HOOK3: variants seen among roughly 807,000 people sequenced by gnomAD.
HOOK3 encodes protein Hook homolog 3.
Under a neutral mutation model 116.3 loss-of-function variants are expected in HOOK3, and 24 were observed. The observed-to-expected ratio is 0.21, with a 90% CI of 0.15 to 0.29. The LOEUF (loss-of-function observed/expected upper bound fraction) is 0.29, where lower values mean the gene tolerates loss of function less well. Among genes scored for constraint, HOOK3 ranks in the 10% least tolerant of loss-of-function variants. The probability of loss-of-function intolerance (pLI) is 1.00; values close to 1 mark genes in which losing one functional copy is unlikely to be tolerated. For synonymous variants in HOOK3, 275 were observed against 283.0 expected (o/e 0.97, Z 0.28); for missense variants, 632 against 830.2 (o/e 0.76, Z 2.93).
In HOOK3 at chr8:42,997,540, T is replaced by A; in HGVS notation, c.1533-10T>A. ...ACCACTTGGAAAATTAATGTACATTTCATTTCTAGGCTGGTGAATCAAAGA... is the reference window on the plus strand; with the variant it reads ...ACCACTTGGAAAATTAATGTACATTACATTTCTAGGCTGGTGAATCAAAGA... On this transcript the variant is annotated splice_polypyrimidine_tract_variant and intron_variant, in intron 15 of 21. Coordinates refer to ENST00000307602, the MANE Select transcript of HOOK3 (RefSeq NM_032410.4). 1.3e-6 allele frequency: 2 copies of A among 1,570,888 alleles called. No individual in the cohort carries two copies. Among genetic ancestry groups the A allele is most frequent in the Non-Finnish European group, 1.7e-6 (2 of 1,148,108 alleles).
At chr8:42,935,135 A>C (rs1358757337) in intron 4 of HOOK3, among the ~76,000 whole-genome samples, 1 of 152,198 alleles carries the variant, frequency 6.6e-6, no homozygotes, top group East Asian at 1.9e-4. Flanking sequence ...CATTTCTCTA[A>C]TGACCAATGA....
intron 18 of HOOK3, among the ~76,000 whole-genome samples, chr8:43,008,405 C>A (rs1331434405): frequency 2.0e-5 from 3 of 151,968 alleles, no homozygotes; most frequent in Admixed American, 6.6e-5. Flanking sequence ...CAGTCTTGAC[C>A]TCCCATGCTC....
intron 15 of HOOK3, among the ~76,000 whole-genome samples, chr8:42,990,466 A>G (rs1283662126): frequency 1.3e-5 from 2 of 148,188 alleles, no homozygotes; most frequent in African/African-American, 5.0e-5. Context: ...TCATCTTCCA[A>G]GTAGCTGAGA....
chr8:42,932,080 C>T (rs1363395783), intron 4 of HOOK3, among the ~76,000 whole-genome samples: 1 of 152,090 alleles, frequency 6.6e-6, no homozygotes, highest in Non-Finnish European at 1.5e-5. Context: ...AGGTTGGAGC[C>T]AGACCTCATG....
chr8:42,929,280 A>AGCAAGTTT (rs777002373), intron 3 of HOOK3, among the ~76,000 whole-genome samples: 50 of 152,190 alleles, frequency 3.3e-4, no homozygotes, highest in Admixed American at 3.3e-4. Context: ...AAGATAAATA[A>AGCAAGTTT]GCAAGTTTTC....
intron 13 of HOOK3, among the ~76,000 whole-genome samples, chr8:42,974,438 C>T (rs1262931875): frequency 1.3e-5 from 2 of 152,038 alleles, no homozygotes; most frequent in African/African-American, 2.4e-5. Flanking sequence ...GGGGTTTCAC[C>T]ATGTTGGCCA....
intron 9 of HOOK3, 137 bp downstream of exon 9, chr8:42,964,611 G>C (rs1808596876): frequency 1.5e-6 from 1 of 676,034 alleles, no homozygotes; most frequent in Admixed American, 2.9e-5. Context: ...CTGATCACTT[G>C]AGGTCGGGGA....
intron 21 of HOOK3, 144 bp from the exon 22 acceptor site, chr8:43,018,214 G>C (rs1238229150): frequency 1.4e-6 from 1 of 709,890 alleles, no homozygotes; most frequent in Non-Finnish European, 2.1e-6. Context: ...GCCTCTATGA[G>C]ATTTTAATCT....
At chr8:42,903,743 G>T (rs1807243940) in intron 1 of HOOK3, among the ~76,000 whole-genome samples, 1 of 108 alleles carries the variant, frequency 9.3e-3, no homozygotes, top group South Asian at 0.17. Flanking sequence ...GGATGACGAG[G>T]TCAGAGATGA....
chr8:42,980,585 G>C (rs749659701), intron 13 of HOOK3, among the ~76,000 whole-genome samples: 16 of 151,974 alleles, frequency 1.1e-4, no homozygotes, highest in Admixed American at 1.3e-4. Context: ...GAGTGGGACT[G>C]GTGGCTTTAT....
At chr8:42,915,715 A>G (rs1453086944) in intron 2 of HOOK3, among the ~76,000 whole-genome samples, 3 of 152,130 alleles carry the variant, frequency 2.0e-5, no homozygotes, top group Non-Finnish European at 2.9e-5. Context: ...TACAGGCATG[A>G]GCCACCATGC....
intron 19 of HOOK3, among the ~76,000 whole-genome samples, chr8:43,012,710 C>T (rs1809636221): frequency 6.6e-6 from 1 of 152,092 alleles, no homozygotes; most frequent in African/African-American, 2.4e-5. Flanking sequence ...AGTGATCGTC[C>T]TGCCTCAGCC....
chr8:42,989,510 A>C (rs983864183), intron 15 of HOOK3, among the ~76,000 whole-genome samples: 1 of 152,176 alleles, frequency 6.6e-6, no homozygotes, highest in African/African-American at 2.4e-5. Flanking sequence ...TATGAGTTAC[A>C]TGAGATAGTT....
At chr8:42,915,896 A>G (rs779851854) in intron 2 of HOOK3, among the ~76,000 whole-genome samples, 4 of 152,224 alleles carry the variant, frequency 2.6e-5, no homozygotes, top group Admixed American at 6.5e-5. Context: ...AGAACCCTGC[A>G]TTAGTGTCCC....
chr8:42,902,332 A>G (rs1231332337), intron 1 of HOOK3, among the ~76,000 whole-genome samples: 1 of 150,388 alleles, frequency 6.6e-6, no homozygotes, highest in Admixed American at 6.6e-5. Flanking sequence ...AGTGCCGTGG[A>G]GCAGTCACAG....
chr8:42,946,598 CTTG>C (rs767773635), intron 5 of HOOK3, among the ~76,000 whole-genome samples: 2 of 151,648 alleles, frequency 1.3e-5, no homozygotes, highest in African/African-American at 2.4e-5. Flanking sequence ...TTTCTATTAA[CTTG>C]TTGTTTGTAC....
rs749669935 is a variant in HOOK3 at position 42,968,061 on chromosome 8, T to C, written c.969T>C (p.Tyr323=). 73 of 1,607,492 alleles carry C rather than the reference T, an allele frequency of 4.5e-5. No homozygotes were observed. In the South Asian group the frequency reaches 7.3e-4, roughly 16 times the overall value. ...AACTAGAAGGTCAAGTAGAATCTTA[T>C]AAAAAGAAGCTAGAAGACCTTGGTG... The part of the protein sequence containing the change: ...VSKLEGQVES[Y]KKKLEDLGDL... The change falls in exon 11 of 22, where the codon TAT becomes TAC. Residue 323 remains tyrosine, a synonymous_variant. Coordinates refer to ENST00000307602, the MANE Select transcript of HOOK3 (RefSeq NM_032410.4).
intron 1 of HOOK3, 86 bp from the exon 2 acceptor site, chr8:42,906,087 C>CAAAAAAAAAAAAAAAAAAAAA (rs35347216): frequency 3.2e-6 from 1 of 311,398 alleles, no homozygotes; most frequent in African/African-American, 4.6e-5. Context: ...ACTCCGTCTC[C>CAAAAAAAAAAAAAAAAAAAAA]AAAAAAAAAA....
intron 5 of HOOK3, among the ~76,000 whole-genome samples, chr8:42,947,049 A>G (rs1403341586): frequency 1.3e-5 from 2 of 152,150 alleles, no homozygotes; most frequent in Non-Finnish European, 2.9e-5. Context: ...GATTACAGGC[A>G]TGAGCCACTG....
Sources: allele counts gnomAD v4.1 joint callset (sites outside exome capture counted in the v4.1 genomes callset), GRCh38; gene constraint gnomAD v4.1.1; transcripts MANE v1.5; gene names NCBI Gene and HGNC (gene_info 2026-07-23, HGNC 2026-07-21).